Variants in IREB2 observed in about 807,000 individuals in gnomAD.
IREB2 encodes iron-responsive element-binding protein 2.
In IREB2, 39 loss-of-function variants were observed where a neutral mutation model predicts 118.8. The ratio of observed to expected loss-of-function variants is 0.33; its 90% confidence interval spans 0.25 to 0.43. The LOEUF (loss-of-function observed/expected upper bound fraction) is 0.43, where lower values mean the gene tolerates loss of function less well. IREB2 is among the 20% of genes least tolerant of loss of function. IREB2 has a pLI of 1.00. For synonymous variants in IREB2, 372 were observed against 392.2 expected (o/e 0.95, Z 0.61); for missense variants, 900 against 1,147.3 (o/e 0.78, Z 3.11).
chr15:78,438,553 C>T (rs1035608703), intron 1 of IREB2, 197 bp downstream of exon 1: 38 of 609,140 alleles, frequency 6.2e-5, no homozygotes, highest in East Asian at 3.7e-4. Context: ...CCGATCCCCA[C>T]CCTCCTGCGC....
At chr15:78,466,244 T>C in intron 4 of IREB2, 27 bp from the exon 5 acceptor site, 1 of 1,525,580 alleles carries the variant, frequency 6.6e-7, no homozygotes. Flanking sequence ...TAAATGGCTT[T>C]ATTTTGTTTT....
At position 78,473,397 on chromosome 15, in the gene IREB2, G is replaced by C; in HGVS notation, c.1023+16G>C. On this transcript the variant is annotated intron_variant, in intron 8 of 21. Transcript: ENST00000258886. Reference sequence around the variant, plus strand: ...TATTACAAAGGTAAGTTAAAGTTGTGGTAGCTCTATGACTTACTGAACATT... The same window carrying C: ...TATTACAAAGGTAAGTTAAAGTTGTCGTAGCTCTATGACTTACTGAACATT... The C allele has an allele frequency of 6.2e-7, 1 of 1,607,706 alleles. No homozygotes were observed. Among genetic ancestry groups the C allele is most frequent in the Non-Finnish European group, 8.5e-7 (1 of 1,175,164 alleles).
chr15:78,456,600 A>G (rs1454100991), intron 2 of IREB2, among the ~76,000 whole-genome samples: 1 of 152,042 alleles, frequency 6.6e-6, no homozygotes, highest in Admixed American at 6.5e-5. Context: ...CAGGAGGTCA[A>G]GGGTGTAGTG....
chr15:78,443,186 A>C (rs1157602205), intron 2 of IREB2, among the ~76,000 whole-genome samples: 3 of 152,256 alleles, frequency 2.0e-5, no homozygotes, highest in Non-Finnish European at 4.4e-5. Context: ...TAATAATAAA[A>C]TAGAACAGTT....
chr15:78,453,011 G>A (rs553174334), intron 2 of IREB2, among the ~76,000 whole-genome samples: 1 of 152,320 alleles, frequency 6.6e-6, no homozygotes, highest in Admixed American at 6.5e-5. Flanking sequence ...TTACAGAAAA[G>A]GAACTGTGGC....
chr15:78,473,519 C>T, intron 8 of IREB2, 138 bp downstream of exon 8: 1 of 636,888 alleles, frequency 1.6e-6, no homozygotes, highest in Admixed American at 3.0e-5. Context: ...TCATAGTTAT[C>T]ATAGTAATAA....
intron 9 of IREB2, among the ~76,000 whole-genome samples, chr15:78,477,067 A>G (rs1368088755): frequency 1.3e-5 from 2 of 152,176 alleles, no homozygotes; most frequent in African/African-American, 4.8e-5. Context: ...ATGTTAGTTA[A>G]TCAGACAGCA....
At chr15:78,494,366 A>C in intron 20 of IREB2, 102 bp downstream of exon 20, 1 of 1,204,768 alleles carries the variant, frequency 8.3e-7, no homozygotes, top group Non-Finnish European at 1.2e-6. Context: ...TTTTATAGTT[A>C]TTTGAACCTT....
chr15:78,455,934 C>T (rs2051097863), intron 2 of IREB2, among the ~76,000 whole-genome samples: 1 of 152,194 alleles, frequency 6.6e-6, no homozygotes, highest in African/African-American at 2.4e-5. Context: ...GGCTGGCGCT[C>T]CCTGATGATG....
intron 16 of IREB2, among the ~76,000 whole-genome samples, chr15:78,489,337 C>T (rs531392957): frequency 2.0e-5 from 3 of 152,090 alleles, no homozygotes; most frequent in East Asian, 1.9e-4. Flanking sequence ...AACAAACCTG[C>T]ACATCCCGCA....
intron 7 of IREB2, 140 bp from the exon 8 acceptor site, chr15:78,473,102 G>A (rs568417380): frequency 1.4e-6 from 1 of 716,072 alleles, no homozygotes; most frequent in African/African-American, 1.8e-5. Flanking sequence ...CTTGGGTTCA[G>A]TGTCCACATT....
chr15:78,493,510 G>A (rs1353427464), intron 18 of IREB2, among the ~76,000 whole-genome samples: 2 of 152,210 alleles, frequency 1.3e-5, no homozygotes, highest in South Asian at 2.1e-4. Context: ...ACACATTTAT[G>A]AACTGCATTT....
rs1195886910 is a variant in IREB2, at chr15:78,438,352, A to T, written c.15A>T (p.Lys5Asn). Residue 5 changes from lysine to asparagine, a missense_variant, in exon 1 of 22, where the codon AAA becomes AAT. Physicochemically the swap from Lys to Asn is moderately conservative, Grantham distance 94. Coordinates refer to ENST00000258886, the MANE Select transcript of IREB2 (RefSeq NM_004136.4). MDAP[K>N]AGYAFEYLIE... ...GGTCTCCGGCGATGGACGCCCCAAA[A>T]GCAGGTCAGTTTCGGGCCTCCGAGC... The T allele has an allele frequency of 6.3e-7, 1 of 1,597,762 alleles. No individual in the cohort carries two copies. The highest frequency in any genetic ancestry group is 1.1e-5 in the South Asian group (1 of 88,130).
chr15:78,473,311 T>C lies in IREB2; in HGVS notation c.953T>C (p.Val318Ala), dbSNP rs778048636. Residue 318 changes from valine (V) to alanine (A), a missense_variant, in exon 8 of 22, where the codon GTT becomes GCT. Val to Ala is a moderately conservative substitution (Grantham distance 64). Coordinates refer to ENST00000258886, the MANE Select transcript of IREB2 (RefSeq NM_004136.4). ...LPVSLTLPEV[V>A]GCELTGSSNP... ...GTTTCTCTTACTTTACCAGAGGTGG[T>C]TGGATGTGAGTTAACTGGGTCATCA... is the stretch of plus-strand genomic sequence containing the variant. 5 of 1,613,912 alleles carry C rather than the reference T, an allele frequency of 3.1e-6. 1 individual carries two copies. The highest frequency in any genetic ancestry group is 3.3e-4 in the Middle Eastern group (2 of 6,062).
At chr15:78,456,079 G>A (rs549459862) in intron 2 of IREB2, among the ~76,000 whole-genome samples, 12 of 152,138 alleles carry the variant, frequency 7.9e-5, no homozygotes, top group African/African-American at 2.9e-4. Context: ...CCTAGCTTTG[G>A]AAGGCTCACA....
At chr15:78,458,512 A>G (rs774677454) in intron 2 of IREB2, among the ~76,000 whole-genome samples, 4 of 151,836 alleles carry the variant, frequency 2.6e-5, no homozygotes, top group Non-Finnish European at 4.4e-5. Context: ...CTCACCTCAA[A>G]TGATCCTCCA....
rs1271281646 is a variant in IREB2 at position 78,438,271 on chromosome 15, C to G, written c.-67C>G. The G allele has an allele frequency of 1.6e-6, 2 of 1,282,518 alleles. No individual in the cohort carries two copies. The highest frequency in any genetic ancestry group is 2.9e-5 in the African/African-American group (2 of 68,264). The allele number at this position is 1,282,518 out of a possible 1,614,324, so 79.4% of individuals were successfully genotyped here. ...GTCCGCCTGTCTTCCTCCCCGTCTT[C>G]CCTGCCCGGCCTCCCCCTTCTTCCC... On this transcript the variant is annotated 5_prime_UTR_variant, in exon 1 of 22. Coordinates refer to ENST00000258886, the MANE Select transcript of IREB2 (RefSeq NM_004136.4).
At chr15:78,491,567 A>G (rs541631303) in intron 18 of IREB2, among the ~76,000 whole-genome samples, 25 of 152,208 alleles carry the variant, frequency 1.6e-4, no homozygotes, top group African/African-American at 5.3e-4. Flanking sequence ...GTGTGATCTC[A>G]GCTCACTGCC....
chr15:78,495,242 G>A (rs2051821306), intron 20 of IREB2, among the ~76,000 whole-genome samples: 2 of 152,058 alleles, frequency 1.3e-5, no homozygotes, highest in Admixed American at 1.3e-4. Context: ...GGGGCTGTGG[G>A]AATAAAACAA....
Sources: gnomAD v4.1 joint callset for allele counts (sites outside exome capture counted in the v4.1 genomes callset) on GRCh38, gnomAD v4.1.1 for gene constraint, MANE v1.5 for transcripts, NCBI Gene and HGNC (gene_info 2026-07-23, HGNC 2026-07-21) for gene names.